The following DNAH14 variants were observed in gnomAD, a reference collection of about 807,000 sequenced individuals.
DNAH14 encodes the protein axonemal beta dynein heavy chain 14.
Under a neutral mutation model 520.9 loss-of-function variants are expected in DNAH14, and 478 were observed. That is an observed-to-expected ratio of 0.92 (90% confidence interval 0.85 to 0.99). The LOEUF (loss-of-function observed/expected upper bound fraction) is 0.99. DNAH14 is among the 50% of genes least tolerant of loss of function. The probability of loss-of-function intolerance (pLI) is 0.00; values close to 1 mark genes in which losing one functional copy is unlikely to be tolerated. For missense variants in DNAH14, 4,831 were observed against 5,234.5 expected, an observed-to-expected ratio of 0.92 and a Z score of 2.38; for synonymous variants, 1,581 against 1,757.2, an observed-to-expected ratio of 0.90 and a Z score of 2.51.
At chr1:225,205,506 T>C (rs2087430214) in intron 39 of DNAH14, among the ~76,000 whole-genome samples, 1 of 152,208 alleles carries the variant, frequency 6.6e-6, no homozygotes, top group Admixed American at 6.5e-5. Context: ...GCAGCCCAAA[T>C]GGACTAACAC....
chr1:225,276,557 A>G (rs1202539120), intron 53 of DNAH14, among the ~76,000 whole-genome samples: 1 of 152,168 alleles, frequency 6.6e-6, no homozygotes, highest in Non-Finnish European at 1.5e-5. Flanking sequence ...AATTTTCTGC[A>G]TCTCTTTCTC....
Position 225,377,432 on chromosome 1 carries a change from A to G in DNAH14, c.12712A>G (p.Ile4238Val). 6.5e-7 allele frequency: 1 copy of G among 1,548,816 alleles called. No individual in the cohort carries two copies. The change falls in exon 79 of 86, where the codon ATC (isoleucine) becomes GTC (valine). Residue 4238 changes from isoleucine to valine, a missense_variant. Physicochemically the swap from Ile to Val is conservative, Grantham distance 29. Coordinates refer to ENST00000682510, the MANE Select transcript of DNAH14 (RefSeq NM_001367479.1). ...AAAAACTACCACTGCCAACCTCATGATCAGGTAAGAACTCGCTAGGAAAAA... is the reference window on the plus strand; with the variant it reads ...AAAAACTACCACTGCCAACCTCATGGTCAGGTAAGAACTCGCTAGGAAAAA... Reference protein sequence around the residue: ...QPKTTTANLMIRPEQSKDELV... With the variant: ...QPKTTTANLMVRPEQSKDELV...
chr1:225,174,762 G>T (rs1322102531), intron 36 of DNAH14, among the ~76,000 whole-genome samples: 3 of 152,146 alleles, frequency 2.0e-5, no homozygotes, highest in Admixed American at 6.6e-5. Flanking sequence ...GATCTTAGAA[G>T]AAAGGCTTTC....
In DNAH14 at chr1:225,207,489, C is replaced by T. The variant is rs149395504; in HGVS notation, c.6439+269C>T. On this transcript the variant is annotated intron_variant, in intron 41 of 85. Transcript: ENST00000682510. ...GGTCTCTATTAAAGAAGAATGTTTT[C>T]GCGTATTTTAAAGATTCTCTGAGTT... Among the ~76,000 whole-genome samples, 30 of 152,176 alleles carry T rather than the reference C, an allele frequency of 2.0e-4. No homozygotes were observed. In the East Asian group the frequency reaches 4.8e-3, roughly 25 times the overall value.
At chr1:225,395,195 T>G (rs2095989621) in intron 84 of DNAH14, among the ~76,000 whole-genome samples, 1 of 152,232 alleles carries the variant, frequency 6.6e-6, no homozygotes, top group Non-Finnish European at 1.5e-5. Context: ...ATCACATAAT[T>G]TATCACTTTT....
At chr1:225,034,319 T>C (rs2066770422) in intron 11 of DNAH14, among the ~76,000 whole-genome samples, 1 of 152,228 alleles carries the variant, frequency 6.6e-6, no homozygotes, top group East Asian at 1.9e-4. Context: ...GAGATAATCA[T>C]ACAGTTTTTG....
chr1:225,169,951 T>TG (rs1315138498), intron 36 of DNAH14, among the ~76,000 whole-genome samples: 16 of 151,912 alleles, frequency 1.1e-4, no homozygotes, highest in African/African-American at 3.9e-4. Context: ...CAGAAGAGAG[T>TG]GGGGGCTAAT....
chr1:225,129,330 A>G (rs1381058366), intron 27 of DNAH14, among the ~76,000 whole-genome samples: 105 of 152,232 alleles, frequency 6.9e-4, no homozygotes, highest in African/African-American at 2.4e-3. Context: ...TAAAGTTCTT[A>G]TGGAACCAAA....
chr1:225,056,764 C>T (rs1261070829), intron 17 of DNAH14, among the ~76,000 whole-genome samples: 1 of 152,120 alleles, frequency 6.6e-6, no homozygotes, highest in East Asian at 1.9e-4. Context: ...GCCAGTTTTC[C>T]CAGCACCATT....
chr1:225,201,744 G>A (rs1166157374), intron 38 of DNAH14, among the ~76,000 whole-genome samples: 1 of 152,114 alleles, frequency 6.6e-6, no homozygotes, highest in Non-Finnish European at 1.5e-5. Context: ...GCCACGGGTA[G>A]CAGCAGCTGC....
chr1:225,008,589 T>G (rs2147870675), intron 10 of DNAH14, among the ~76,000 whole-genome samples: 1 of 146,992 alleles, frequency 6.8e-6, no homozygotes, highest in South Asian at 2.2e-4. Flanking sequence ...TTTTTTTTTT[T>G]TTTTTTTTTG....
rs148868848 is a variant in DNAH14 at position 225,270,176 on chromosome 1, T to C, written c.7540-559T>C. On this transcript the variant is annotated intron_variant, in intron 49 of 85. Transcript: ENST00000682510. ...GATGAGCTCATGTCCTTTGTAGGGA[T>C]ATGGATGAAGCTGGAAACCATCATT... Among the ~76,000 whole-genome samples the C allele has an allele frequency of 1.7e-3, 257 of 152,032 alleles. 5 individuals are homozygous for C. In the East Asian group the frequency reaches 0.038, roughly 23 times the overall value.
chr1:224,953,459 C>T (rs1440631094), intron 2 of DNAH14, among the ~76,000 whole-genome samples: 4 of 152,136 alleles, frequency 2.6e-5, no homozygotes, highest in South Asian at 4.1e-4. Flanking sequence ...GAGAATTCAA[C>T]AAAATTTATA....
At chr1:225,158,439 G>A (rs2081240666) in intron 34 of DNAH14, among the ~76,000 whole-genome samples, 1 of 152,096 alleles carries the variant, frequency 6.6e-6, no homozygotes, top group Non-Finnish European at 1.5e-5. Flanking sequence ...ATTTCAGGCT[G>A]GCTTCATTTT....
intron 46 of DNAH14, among the ~76,000 whole-genome samples, chr1:225,260,227 C>G (rs937231773): frequency 2.0e-5 from 3 of 151,964 alleles, no homozygotes; most frequent in African/African-American, 7.3e-5. Context: ...TGGCAGGTGC[C>G]TGTAATCCCA....
At chr1:225,174,473 A>C (rs928521122) in intron 36 of DNAH14, among the ~76,000 whole-genome samples, 7 of 152,084 alleles carry the variant, frequency 4.6e-5, no homozygotes, top group Non-Finnish European at 1.0e-4. Context: ...TTTCTCAGTC[A>C]GTGTTGCTAC....
At chr1:225,189,492 T>A (rs577536561) in intron 37 of DNAH14, among the ~76,000 whole-genome samples, 8 of 151,794 alleles carry the variant, frequency 5.3e-5, no homozygotes, top group African/African-American at 1.9e-4. Context: ...ATCTACCAGT[T>A]GTAGTTGGAC....
rs562090659 is a variant in DNAH14 at position 225,095,278 on chromosome 1, G to A, written c.3574-1840G>A. On this transcript the variant is annotated intron_variant, in intron 21 of 85. Coordinates refer to ENST00000682510, the MANE Select transcript of DNAH14 (RefSeq NM_001367479.1). ...GCCCATCAACAGTAGACTGGATAAA[G>A]AAAATGTGGTACATATACCCCAAGG... Among the ~76,000 whole-genome samples the A allele has an allele frequency of 5.3e-5, 8 of 150,028 alleles. No homozygotes were observed. In the South Asian group the frequency reaches 1.5e-3, roughly 28 times the overall value.
intron 55 of DNAH14, among the ~76,000 whole-genome samples, chr1:225,297,629 T>C (rs1031623921): frequency 6.6e-6 from 1 of 152,114 alleles, no homozygotes; most frequent in Admixed American, 6.5e-5. Context: ...TCAGTTGTAA[T>C]CCATGCTGGT....
Sources: allele counts gnomAD v4.1 joint callset (sites outside exome capture counted in the v4.1 genomes callset), GRCh38; gene constraint gnomAD v4.1.1; transcripts MANE v1.5; gene names NCBI Gene and HGNC (gene_info 2026-07-23, HGNC 2026-07-21).